Variants in PDE3A observed in about 807,000 individuals in gnomAD.
The protein encoded by PDE3A is phosphodiesterase 3A.
In PDE3A, 43 loss-of-function variants were observed where a neutral mutation model predicts 98.3. That is an observed-to-expected ratio of 0.44 (90% CI 0.34 to 0.56). The LOEUF (loss-of-function observed/expected upper bound fraction) is 0.56. Among genes scored for constraint, PDE3A ranks in the 20% least tolerant of loss-of-function variants. The pLI, the probability that PDE3A is intolerant of heterozygous loss-of-function variation, is 0.01. For missense variants in PDE3A, 1,427 were observed against 1,440.7 expected, an observed-to-expected ratio of 0.99 and a Z score of 0.15; for synonymous variants, 663 against 567.9, an observed-to-expected ratio of 1.17 and a Z score of -2.38.
intron 15 of PDE3A, among the ~76,000 whole-genome samples, chr12:20,662,523 G>A: frequency 6.6e-6 from 1 of 152,196 alleles, no homozygotes; most frequent in East Asian, 1.9e-4. Flanking sequence ...CATGGGGCCT[G>A]TAGCGCCTTT....
intron 1 of PDE3A, among the ~76,000 whole-genome samples, chr12:20,546,055 C>T (rs963725259): frequency 4.0e-5 from 6 of 151,840 alleles, no homozygotes; most frequent in Admixed American, 1.3e-4. Flanking sequence ...ATCTGTTTTA[C>T]CCACACGAGG....
chr12:20,419,240 G>A (rs1275247209), intron 1 of PDE3A, among the ~76,000 whole-genome samples: 1 of 151,968 alleles, frequency 6.6e-6, no homozygotes, highest in African/African-American at 2.4e-5. Flanking sequence ...ACTGAAGGTG[G>A]CTTTTCTTAA....
At chr12:20,538,400 T>C (rs1404418639) in intron 1 of PDE3A, among the ~76,000 whole-genome samples, 1 of 152,076 alleles carries the variant, frequency 6.6e-6, no homozygotes, top group Non-Finnish European at 1.5e-5. Context: ...AGCTGAGTTT[T>C]CCCCTTTTTA....
intron 3 of PDE3A, among the ~76,000 whole-genome samples, chr12:20,614,881 G>A (rs1282761986): frequency 6.6e-6 from 1 of 152,022 alleles, no homozygotes; most frequent in East Asian, 1.9e-4. Context: ...ATGCCTATGT[G>A]GTTGGTTTAT....
At chr12:20,555,029 T>C (rs953964665) in intron 1 of PDE3A, among the ~76,000 whole-genome samples, 2 of 152,134 alleles carry the variant, frequency 1.3e-5, no homozygotes, top group Non-Finnish European at 2.9e-5. Flanking sequence ...TCTAATGGAT[T>C]CCTTTCTTTT....
intron 2 of PDE3A, among the ~76,000 whole-genome samples, chr12:20,571,368 A>T (rs1309696542): frequency 6.6e-6 from 1 of 152,160 alleles, no homozygotes; most frequent in African/African-American, 2.4e-5. Context: ...CCACAGCAAT[A>T]ATATTGTAAA....
chr12:20,451,516 C>T (rs12317326), intron 1 of PDE3A, among the ~76,000 whole-genome samples: 28,883 of 152,024 alleles, frequency 0.19, 2,891 homozygotes, highest in Admixed American at 0.28. Flanking sequence ...TCAAGTGATC[C>T]GCCCACCTTG....
intron 2 of PDE3A, among the ~76,000 whole-genome samples, chr12:20,575,340 A>G (rs117202311): frequency 0.032 from 4,882 of 152,140 alleles, 100 homozygotes; most frequent in Middle Eastern, 0.048. Flanking sequence ...TGGCTAATAT[A>G]GTATTTGGAA....
chr12:20,371,096 A>G (rs1019358163), intron 1 of PDE3A, among the ~76,000 whole-genome samples: 2 of 152,178 alleles, frequency 1.3e-5, no homozygotes, highest in African/African-American at 4.8e-5. Context: ...ATTGCTGGAG[A>G]TGTATATCTT....
intron 11 of PDE3A, 44 bp downstream of exon 11, chr12:20,646,647 C>A: frequency 7.2e-7 from 1 of 1,395,982 alleles, no homozygotes; most frequent in Non-Finnish European, 1.0e-6. Flanking sequence ...AAGATGGGAA[C>A]AAGGGTGTTT....
intron 5 of PDE3A, among the ~76,000 whole-genome samples, chr12:20,624,204 T>C (rs1944205056): frequency 6.6e-6 from 1 of 152,172 alleles, no homozygotes; most frequent in African/African-American, 2.4e-5. Context: ...CAAATTGTCA[T>C]AATTTAAAAC....
Position 20,586,106 on chromosome 12 carries a change from G to A in PDE3A, c.1012-27337G>A, listed in dbSNP as rs529936592. Among the ~76,000 whole-genome samples the A allele has an allele frequency of 4.6e-5, 7 of 152,278 alleles. No homozygotes were observed. The South Asian group carries it at 1.5e-3, about 32-fold the overall frequency. ...CCTTCAAGGGTGGGACTAAACCAGT[G>A]CACAAGGGGGTGTGTCTTCTGTGTA... On this transcript the variant is annotated intron_variant, in intron 2 of 15. Transcript: ENST00000359062.
chr12:20,680,542 A>G lies in PDE3A; in HGVS notation c.*271A>G. 2.8e-6 allele frequency: 1 copy of G among 358,194 alleles called. No individual in the cohort carries two copies. Among genetic ancestry groups the G allele is most frequent in the Non-Finnish European group, 5.1e-6 (1 of 194,454 alleles). 22.2% of individuals were successfully genotyped at this position (358,194 alleles called of 1,614,324 possible). A position where few individuals can be genotyped will look rare whatever the true frequency, so the allele number is the denominator to read the frequency against. On this transcript the variant is annotated 3_prime_UTR_variant, in exon 16 of 16. Coordinates refer to ENST00000359062, the MANE Select transcript of PDE3A (RefSeq NM_000921.5). Reference sequence around the variant, plus strand: ...TGTGTGTGTGTATATAAGCTCCCACATAGATACATGTAAAACATATTCACA... The same window carrying G: ...TGTGTGTGTGTATATAAGCTCCCACGTAGATACATGTAAAACATATTCACA...
chr12:20,373,211 T>C (rs1943510127), intron 1 of PDE3A, among the ~76,000 whole-genome samples: 1 of 152,084 alleles, frequency 6.6e-6, no homozygotes. Context: ...TCCGCAATAC[T>C]GAGGCTGATT....
intron 14 of PDE3A, among the ~76,000 whole-genome samples, chr12:20,651,537 C>A (rs1944915950): frequency 1.3e-5 from 2 of 152,116 alleles, no homozygotes; most frequent in Admixed American, 6.5e-5. Context: ...AAAGTTAGAT[C>A]CCTCTCTACT....
chr12:20,617,126 T>TAAG (rs1944027022), intron 4 of PDE3A, among the ~76,000 whole-genome samples: 2 of 152,170 alleles, frequency 1.3e-5, no homozygotes, highest in Admixed American at 1.3e-4. Flanking sequence ...AACACATGTA[T>TAAG]AAGTTTTATC....
chr12:20,582,238 G>A (rs370058003), intron 2 of PDE3A, among the ~76,000 whole-genome samples: 13 of 151,850 alleles, frequency 8.6e-5, no homozygotes, highest in East Asian at 3.9e-4. Context: ...CTGTCACCCT[G>A]GCTAGAGTGC....
chr12:20,469,327 T>A (rs1327591305), intron 1 of PDE3A, among the ~76,000 whole-genome samples: 1 of 152,194 alleles, frequency 6.6e-6, no homozygotes, highest in Non-Finnish European at 1.5e-5. Context: ...CTTCTGAACT[T>A]CATTCCTTAC....
intron 2 of PDE3A, among the ~76,000 whole-genome samples, chr12:20,596,890 C>T (rs1308200586): frequency 6.6e-6 from 1 of 151,862 alleles, no homozygotes; most frequent in Non-Finnish European, 1.5e-5. Flanking sequence ...AAAAAAATAC[C>T]GTATAGCAAA....
Sources: gnomAD v4.1 joint callset for allele counts (sites outside exome capture counted in the v4.1 genomes callset) on GRCh38, gnomAD v4.1.1 for gene constraint, MANE v1.5 for transcripts, NCBI Gene and HGNC (gene_info 2026-07-23, HGNC 2026-07-21) for gene names.